The following STXBP5 variants were observed in gnomAD, a reference collection of about 807,000 sequenced individuals.
The protein encoded by STXBP5 is syntaxin binding protein 5, also known as syntaxin-binding protein 5.
STXBP5 carries 50 observed loss-of-function variants against 152.4 expected under a neutral mutation model. That is an observed-to-expected ratio of 0.33 (90% confidence interval 0.26 to 0.42). The LOEUF (loss-of-function observed/expected upper bound fraction) is 0.42, where lower values mean the gene tolerates loss of function less well. STXBP5 is among the 10% of genes least tolerant of loss of function. STXBP5 has a pLI of 1.00. For missense variants in STXBP5, 1,167 were observed against 1,388.6 expected (o/e 0.84, Z 2.54); for synonymous variants, 492 against 494.7 (o/e 0.99, Z 0.07).
intron 4 of STXBP5, among the ~76,000 whole-genome samples, chr6:147,241,453 C>T (rs1778537966): frequency 6.6e-6 from 1 of 152,190 alleles, no homozygotes; most frequent in African/African-American, 2.4e-5. Context: ...ATCCATACCC[C>T]TGTCAGCCAC....
chr6:147,254,582 TAAAC>T (rs1279326010), intron 4 of STXBP5, among the ~76,000 whole-genome samples: 30 of 152,122 alleles, frequency 2.0e-4, no homozygotes, highest in Middle Eastern at 3.4e-3. Flanking sequence ...ACAAAGAACT[TAAAC>T]AAATTTACAA....
At chr6:147,279,444 A>G (rs1780598366) in intron 8 of STXBP5, among the ~76,000 whole-genome samples, 1 of 152,148 alleles carries the variant, frequency 6.6e-6, no homozygotes, top group Non-Finnish European at 1.5e-5. Context: ...CTACTTTTTA[A>G]AAAAGCTGAC....
chr6:147,315,637 T>C lies in STXBP5; in HGVS notation c.1525T>C (p.Trp509Arg). The stretch of plus-strand genomic sequence containing the variant: ...TCCATATGCCATTCAGATCATCTCC[T>C]GGTGTCCAGAAAGTAGAATGCTGTG... Reference protein sequence around the residue: ...EDPYAIQIISWCPESRMLCIA... With the variant: ...EDPYAIQIISRCPESRMLCIA... Residue 509 changes from tryptophan to arginine, a missense_variant, in exon 15 of 28, where the codon TGG becomes CGG. By Grantham distance (101) the Trp-to-Arg change is moderately radical. This residue lies in a region of STXBP5 where 833 missense variants were observed against 986.3 expected (regional missense o/e 0.84). Coordinates refer to ENST00000321680, the MANE Select transcript of STXBP5 (RefSeq NM_001127715.4). The C allele has an allele frequency of 6.2e-7, 1 of 1,613,950 alleles. No homozygotes were observed. Among genetic ancestry groups the C allele is most frequent in the Non-Finnish European group, 8.5e-7 (1 of 1,179,912 alleles).
At chr6:147,325,155 G>A (rs1250226834) in intron 17 of STXBP5, 71 bp downstream of exon 17, 5 of 1,304,830 alleles carry the variant, frequency 3.8e-6, no homozygotes, top group Non-Finnish European at 5.0e-6. Flanking sequence ...TTTAAAAATA[G>A]AAAGGATGGT....
intron 4 of STXBP5, among the ~76,000 whole-genome samples, chr6:147,249,678 T>TG (rs1435502133): frequency 1.3e-5 from 2 of 151,924 alleles, no homozygotes; most frequent in African/African-American, 4.8e-5. Flanking sequence ...CTTGACAATT[T>TG]GGGGAATTCC....
rs1786075536 is a variant in STXBP5 at position 147,381,357 on chromosome 6, G to T, written c.3194-1421G>T. Among the ~76,000 whole-genome samples, 4 of 152,252 alleles carry T rather than the reference G, an allele frequency of 2.6e-5. No homozygotes were observed. In the South Asian group the frequency reaches 8.3e-4, roughly 31 times the overall value. On this transcript the variant is annotated intron_variant, in intron 26 of 27. Transcript: ENST00000321680. ...ATACCACTTCAAACTTACTAGGATG[G>T]ATGTCATCAAAAAGATTCACAATAA...
rs142459593 is a variant in STXBP5, at chr6:147,213,417, C to G, written c.248+7349C>G. On this transcript the variant is annotated intron_variant, in intron 2 of 27. Transcript: ENST00000321680. ...CACAGATGTGAGCCACCTCACCTGG[C>G]TCACATAATTTTATATATGTGTGTG... 8.1e-4 allele frequency among the ~76,000 whole-genome samples: 116 copies of G among 143,450 alleles called. 1 individual carries two copies. The highest frequency in any genetic ancestry group is 3.5e-3 in the Middle Eastern group (1 of 286). The allele number at this position is 143,450 out of a possible 152,430, so 94.1% of individuals were successfully genotyped here. A position where few individuals can be genotyped will look rare whatever the true frequency, so the allele number is the denominator to read the frequency against.
chr6:147,308,985 T>C (rs1395748705), intron 9 of STXBP5, among the ~76,000 whole-genome samples: 1 of 152,162 alleles, frequency 6.6e-6, no homozygotes. Flanking sequence ...TAGATACTTA[T>C]CACTACATAT....
intron 23 of STXBP5, among the ~76,000 whole-genome samples, chr6:147,362,513 T>C (rs939057681): frequency 2.0e-5 from 3 of 152,100 alleles, no homozygotes; most frequent in Non-Finnish European, 4.4e-5. Context: ...ACCCCTACAT[T>C]AAGATGATAA....
chr6:147,326,749 A>G (rs2128386362), intron 17 of STXBP5, among the ~76,000 whole-genome samples: 1 of 152,278 alleles, frequency 6.6e-6, no homozygotes, highest in African/African-American at 2.4e-5. Context: ...CCAAAGTATA[A>G]TCTCCTACTT....
Position 147,363,829 on chromosome 6 carries a change from TTC to T in STXBP5, c.2915+127_2915+128del, listed in dbSNP as rs140498947. The T allele has an allele frequency of 1.6e-3, 2,210 of 1,425,644 alleles. 33 individuals are homozygous for T. The African/African-American group carries it at 0.029, about 18-fold the overall frequency. The allele number at this position is 1,425,644 out of a possible 1,614,324, so 88.3% of individuals were successfully genotyped here. The stretch of plus-strand genomic sequence containing the variant: ...CTTATACTCTGAGAATTTATTTTTA[TTC>T]TGTTAATAGTGAACAAGTATATGAG... On this transcript the variant is annotated intron_variant, in intron 24 of 27. Coordinates refer to ENST00000321680, the MANE Select transcript of STXBP5 (RefSeq NM_001127715.4).
At chr6:147,302,116 T>A (rs1203466825) in intron 9 of STXBP5, among the ~76,000 whole-genome samples, 1 of 152,204 alleles carries the variant, frequency 6.6e-6, no homozygotes, top group Non-Finnish European at 1.5e-5. Flanking sequence ...CTATTCCCTA[T>A]ATTTGTTTTT....
intron 8 of STXBP5, among the ~76,000 whole-genome samples, chr6:147,279,139 T>C (rs1780582989): frequency 6.6e-6 from 1 of 152,260 alleles, no homozygotes; most frequent in Non-Finnish European, 1.5e-5. Flanking sequence ...TTTGTAGTGA[T>C]AGCAGCCACA....
At chr6:147,241,270 A>C (rs1231281636) in intron 4 of STXBP5, among the ~76,000 whole-genome samples, 1 of 152,188 alleles carries the variant, frequency 6.6e-6, no homozygotes, top group Non-Finnish European at 1.5e-5. Context: ...GTTACAGTTA[A>C]TGAACGAAAA....
intron 13 of STXBP5, 30 bp from the exon 14 acceptor site, chr6:147,314,566 T>C: frequency 6.2e-7 from 1 of 1,601,306 alleles, no homozygotes; most frequent in Non-Finnish European, 8.5e-7. Context: ...GTAATTTTAT[T>C]CATCACATTC....
chr6:147,383,522 G>A (rs1786197044), intron 27 of STXBP5, among the ~76,000 whole-genome samples: 1 of 151,998 alleles, frequency 6.6e-6, no homozygotes, highest in Non-Finnish European at 1.5e-5. Flanking sequence ...AACACACGCT[G>A]TAAAGTAGGG....
chr6:147,363,733 G>T (rs765303329), intron 24 of STXBP5, 29 bp downstream of exon 24: 6 of 1,566,312 alleles, frequency 3.8e-6, no homozygotes, highest in Non-Finnish European at 4.3e-6. Flanking sequence ...TTAAAACACA[G>T]ATATAGCATT....
chr6:147,223,316 A>G (rs1404444459), intron 2 of STXBP5, among the ~76,000 whole-genome samples: 1 of 152,324 alleles, frequency 6.6e-6, no homozygotes, highest in Admixed American at 6.5e-5. Flanking sequence ...CCCATAATAT[A>G]CAAAATGAAG....
intron 26 of STXBP5, 54 bp from the exon 27 acceptor site, chr6:147,382,723 TA>T (rs1786150295): frequency 6.4e-7 from 1 of 1,557,702 alleles, no homozygotes; most frequent in Non-Finnish European, 8.8e-7. Context: ...TAGGATTTTA[TA>T]TTAGTAAAAT....
Sources: gnomAD v4.1 joint callset for allele counts (sites outside exome capture counted in the v4.1 genomes callset) on GRCh38, gnomAD v4.1.1 for gene constraint, gnomAD v4.1.1 regional missense constraint, MANE v1.5 for transcripts, NCBI Gene and HGNC (gene_info 2026-07-23, HGNC 2026-07-21) for gene names.